RASIP1: variants seen among roughly 807,000 people sequenced by gnomAD.
The protein encoded by RASIP1 is ras-interacting protein 1.
In RASIP1, 20 loss-of-function variants were observed where a neutral mutation model predicts 85.3. That is an observed-to-expected ratio of 0.23 (90% CI 0.17 to 0.34). The LOEUF (loss-of-function observed/expected upper bound fraction) is 0.34, where lower values mean the gene tolerates loss of function less well. RASIP1 is among the 10% of genes least tolerant of loss of function. The pLI is 1.00. For synonymous variants in RASIP1, 617 were observed against 647.1 expected, an observed-to-expected ratio of 0.95 and a Z score of 0.71; for missense variants, 1,170 against 1,390.9, an observed-to-expected ratio of 0.84 and a Z score of 2.53.
chr19:48,726,678 C>T lies in RASIP1; in HGVS notation c.2127+107G>A, dbSNP rs1423311575. The T allele has an allele frequency of 3.4e-6, 3 of 882,350 alleles. No homozygotes were observed. In the African/African-American group the frequency reaches 5.0e-5, roughly 15 times the overall value. The allele number at this position is 882,350 out of a possible 1,614,324, so 54.7% of individuals were successfully genotyped here. A position where few individuals can be genotyped will look rare whatever the true frequency, so the allele number is the denominator to read the frequency against. Reference sequence around the variant, plus strand: ...GAGTCAAATAGTGACATCAGAGCCACACAGTGTAGTTCAAACAAGAAGTGA... The same window carrying T: ...GAGTCAAATAGTGACATCAGAGCCATACAGTGTAGTTCAAACAAGAAGTGA... On this transcript the variant is annotated intron_variant, in intron 8 of 11. Coordinates refer to ENST00000222145, the MANE Select transcript of RASIP1 (RefSeq NM_017805.3).
rs1005844715 is a variant in RASIP1 at position 48,739,088 on chromosome 19, G to A, written c.695C>T (p.Ser232Phe). The change falls in exon 3 of 12, where the codon TCC (serine) becomes TTC (phenylalanine). Residue 232 changes from serine (S) to phenylalanine (F), a missense_variant. Around this residue, in one of 4 missense-constraint regions of RASIP1, gnomAD observed 299 missense variants for 394.4 expected, o/e 0.76. Coordinates refer to ENST00000222145, the MANE Select transcript of RASIP1 (RefSeq NM_017805.3). The surrounding 1 kb of genome is among the most constrained non-coding windows in gnomAD (Gnocchi z 9.2). ...RAEHLRVLGDSERPLLVQELW... is the reference protein window; with the variant it reads ...RAEHLRVLGDFERPLLVQELW... The stretch of plus-strand genomic sequence containing the variant: ...CTCCTGCACCAGCAGCGGGCGCTCG[G>A]AGTCGCCCAGCACGCGCAGGTGCTC... The A allele has an allele frequency of 3.8e-6, 5 of 1,304,740 alleles. No homozygotes were observed. The African/African-American group carries it at 7.8e-5, about 20-fold the overall frequency. The allele number at this position is 1,304,740 out of a possible 1,614,324, so 80.8% of individuals were successfully genotyped here.
chr19:48,737,832 A>G (rs927604476), intron 3 of RASIP1: 1,059 of 979,816 alleles, frequency 1.1e-3, no homozygotes, highest in Non-Finnish European at 1.2e-3. Context: ...GCCCCACAAC[A>G]TGCCCCGCCC....
chr19:48,735,155 G>T lies in RASIP1; in HGVS notation c.1179+41C>A, dbSNP rs564618685. 29 of 1,528,486 alleles carry T rather than the reference G, an allele frequency of 1.9e-5. No homozygotes were observed. The East Asian group carries it at 4.3e-4, about 23-fold the overall frequency. The allele number at this position is 1,528,486 out of a possible 1,614,324, so 94.7% of individuals were successfully genotyped here. A position where few individuals can be genotyped will look rare whatever the true frequency, so the allele number is the denominator to read the frequency against. On this transcript the variant is annotated intron_variant, in intron 4 of 11. Transcript: ENST00000222145. ...TTGTTGCTCACCCACCAACAGATGG[G>T]GTATAGGGCTCTGGGCGTGCGGGGC...
chr19:48,726,683 T>C, intron 8 of RASIP1, 102 bp downstream of exon 8: 1 of 910,852 alleles, frequency 1.1e-6, no homozygotes, highest in Middle Eastern at 2.2e-4. Flanking sequence ...AGCCACACAG[T>C]GTAGTTCAAA....
At position 48,721,996 on chromosome 19, in the gene RASIP1, T is replaced by A; in HGVS notation, c.2550A>T (p.Ser850=). The A allele has an allele frequency of 6.9e-7, 1 of 1,439,894 alleles. No homozygotes were observed. The highest frequency in any genetic ancestry group is 9.3e-7 in the Non-Finnish European group (1 of 1,075,520). 89.2% of individuals were successfully genotyped at this position (1,439,894 alleles called of 1,614,324 possible). The change falls in exon 11 of 12, where the codon TCA becomes TCT. Residue 850 remains serine, a synonymous_variant. Transcript: ENST00000222145. ...CVPRTSLLKA[S]WSSLRTDHPT... ...GGTGGTCGGTTCTTAGGCTGCTCCA[T>A]GAAGCCTGGTGGGAAGACCAGGTGA...
intron 4 of RASIP1, among the ~76,000 whole-genome samples, chr19:48,732,341 C>T (rs1446223480): frequency 2.0e-5 from 3 of 151,548 alleles, no homozygotes; most frequent in Non-Finnish European, 2.9e-5. Context: ...CTACAAGCTC[C>T]GCCTCCCAGG....
In RASIP1 at chr19:48,720,658, C is replaced by G; in HGVS notation, c.*140G>C. The G allele has an allele frequency of 1.1e-6, 1 of 928,614 alleles. No homozygotes were observed. Among genetic ancestry groups the G allele is most frequent in the Non-Finnish European group, 1.7e-6 (1 of 591,824 alleles). 57.5% of individuals were successfully genotyped at this position (928,614 alleles called of 1,614,324 possible). On this transcript the variant is annotated 3_prime_UTR_variant, in exon 12 of 12. Coordinates refer to ENST00000222145, the MANE Select transcript of RASIP1 (RefSeq NM_017805.3). ...GCCCATGCTCCCACCGTCCCATCCG[C>G]TACTTCCCGAAAACTCAATCTCCCA...
chr19:48,735,674 AG>A, intron 3 of RASIP1, 123 bp from the exon 4 acceptor site: 1 of 963,240 alleles, frequency 1.0e-6, no homozygotes, highest in Non-Finnish European at 1.5e-6. Flanking sequence ...TTTAGGATTT[AG>A]GCTTTTGCAT....
chr19:48,729,084 G>A lies in RASIP1; in HGVS notation c.1686C>T (p.Ala562=), dbSNP rs547402858. The change falls in exon 5 of 12, where the codon GCC becomes GCT. Residue 562 remains alanine, a synonymous_variant. Transcript: ENST00000222145. ...GCAGGTCTCCCGAGCCGGCGGCTGC[G>A]GCGCGCACGATCTCGCCCAGCAGCG... ...EEALLGEIVR[A]AAAGSGDLPP... 315 of 1,376,530 alleles carry A rather than the reference G, an allele frequency of 2.3e-4. 4 individuals carry two copies. In the South Asian group the frequency reaches 4.2e-3, roughly 18 times the overall value. The allele number at this position is 1,376,530 out of a possible 1,614,324, so 85.3% of individuals were successfully genotyped here.
At chr19:48,730,156 T>C (rs1028615216) in intron 4 of RASIP1, among the ~76,000 whole-genome samples, 1 of 151,342 alleles carries the variant, frequency 6.6e-6, no homozygotes, top group Non-Finnish European at 1.5e-5. Flanking sequence ...AGACCGGCTA[T>C]GTACAAGGAG....
At chr19:48,722,447 A>G (rs992373930) in intron 10 of RASIP1, among the ~76,000 whole-genome samples, 2 of 150,958 alleles carry the variant, frequency 1.3e-5, no homozygotes, top group Admixed American at 1.3e-4. Flanking sequence ...CCTTGGCCCC[A>G]GCCTCCAGAG....
Position 48,724,860 on chromosome 19 carries a change from C to T in RASIP1, c.2228G>A (p.Gly743Glu). The change falls in exon 9 of 12, where the codon GGA (glycine) becomes GAA (glutamate). Residue 743 changes from glycine (G) to glutamate (E), a missense_variant. Physicochemically the swap from Gly to Glu is moderately conservative, Grantham distance 98 (BLOSUM62 -2). Transcript: ENST00000222145. This position sits in a 1 kb window ranked among gnomAD's most constrained non-coding sequence, Gnocchi z 4.6. The part of the protein sequence containing the change: ...PGAELGAMPP[G>E]LRPTLGVFQA... ...GAACACGCCCAGGGTAGGTCTCAAT[C>T]CTGGAGGCATGGCCCCCAGCTCCGC... The T allele has an allele frequency of 1.9e-6, 3 of 1,614,240 alleles. No individual in the cohort carries two copies. In the South Asian group the frequency reaches 3.3e-5, roughly 18 times the overall value.
intron 3 of RASIP1, among the ~76,000 whole-genome samples, chr19:48,735,806 T>A (rs1020968872): frequency 2.6e-5 from 4 of 151,976 alleles, no homozygotes; most frequent in South Asian, 2.1e-4. Context: ...TTTTTTTTTT[T>A]TTATTTCAAT....
At position 48,727,107 on chromosome 19, in the gene RASIP1, C is replaced by T. The variant is rs2033354835; in HGVS notation, c.1923G>A (p.Val641=). 2 of 1,614,104 alleles carry T rather than the reference C, an allele frequency of 1.2e-6. No homozygotes were observed. Among genetic ancestry groups the T allele is most frequent in the Non-Finnish European group, 1.7e-6 (2 of 1,180,056 alleles). The part of the protein sequence containing the change: ...EVPLTPEAVS[V]ELRPLMLWMA... ...TCCACAGCATGAGTGGCCGCAGCTC[C>T]ACAGACACAGCTTCAGGAGTCAGGG... Residue 641 remains valine, a synonymous_variant, in exon 7 of 12, where the codon GTG becomes GTA. Transcript: ENST00000222145.
Position 48,720,711 on chromosome 19 carries a change from C to A in RASIP1, c.*87G>T, listed in dbSNP as rs938366409. 1 of 1,426,182 alleles carries A rather than the reference C, an allele frequency of 7.0e-7. No homozygotes were observed. The highest frequency in any genetic ancestry group is 1.4e-5 in the African/African-American group (1 of 70,622). 88.3% of individuals were successfully genotyped at this position (1,426,182 alleles called of 1,614,324 possible). Reference sequence around the variant, plus strand: ...ATTCCACGCGGGATAAGAACTACAACTCCCAGAAAGCTTTGCGCTCAGGCG... The same window carrying A: ...ATTCCACGCGGGATAAGAACTACAAATCCCAGAAAGCTTTGCGCTCAGGCG... On this transcript the variant is annotated 3_prime_UTR_variant, in exon 12 of 12. Transcript: ENST00000222145.
intron 4 of RASIP1, among the ~76,000 whole-genome samples, chr19:48,734,961 C>T (rs2033542419): frequency 1.3e-5 from 2 of 152,192 alleles, no homozygotes; most frequent in Non-Finnish European, 2.9e-5. Context: ...ACAGTGCTTT[C>T]CTCCAACTTT....
Position 48,724,239 on chromosome 19 carries a change from T to G in RASIP1, c.2544+98A>C, listed in dbSNP as rs1601272740. 7.5e-7 allele frequency: 1 copy of G among 1,340,356 alleles called. No individual in the cohort carries two copies. Among genetic ancestry groups the G allele is most frequent in the South Asian group, 1.4e-5 (1 of 71,056 alleles). 83.0% of individuals were successfully genotyped at this position (1,340,356 alleles called of 1,614,324 possible). A position where few individuals can be genotyped will look rare whatever the true frequency, so the allele number is the denominator to read the frequency against. On this transcript the variant is annotated intron_variant, in intron 10 of 11. Coordinates refer to ENST00000222145, the MANE Select transcript of RASIP1 (RefSeq NM_017805.3). This position sits in a 1 kb window ranked among gnomAD's most constrained non-coding sequence, Gnocchi z 4.6. ...AGCTGGGGCTGGGGATGGCATGGGG[T>G]TCAAGGGGAGCTCTGACGGTGAGCT...
At chr19:48,728,149 A>G (rs1403537362) in intron 5 of RASIP1, among the ~76,000 whole-genome samples, 2 of 152,138 alleles carry the variant, frequency 1.3e-5, no homozygotes, top group African/African-American at 4.8e-5. Context: ...CCCTAGCTCA[A>G]TAGGATGGAA....
intron 4 of RASIP1, among the ~76,000 whole-genome samples, chr19:48,733,544 G>A (rs1310127537): frequency 6.6e-6 from 1 of 151,990 alleles, no homozygotes; most frequent in Non-Finnish European, 1.5e-5. Context: ...GGTGGCTCAC[G>A]CCTGTAATCC....
Sources: gnomAD v4.1 joint callset for allele counts (sites outside exome capture counted in the v4.1 genomes callset) on GRCh38, gnomAD v4.1.1 for gene constraint, gnomAD v4.1.1 regional missense constraint, Gnocchi (gnomAD v3.1) non-coding constraint, MANE v1.5 for transcripts, NCBI Gene and HGNC (gene_info 2026-07-23, HGNC 2026-07-21) for gene names.